Variants in LUZP2 observed in about 807,000 individuals in gnomAD.
LUZP2 encodes leucine zipper protein 2.
A neutral mutation model predicts 51.6 loss-of-function variants in LUZP2; 52 were observed. The ratio of observed to expected loss-of-function variants is 1.01; its 90% CI spans 0.81 to 1.27. LUZP2 has a LOEUF of 1.27. LUZP2 is among the 50% of genes most tolerant of loss of function. The pLI, the probability that LUZP2 is intolerant of heterozygous loss-of-function variation, is 0.00. For missense variants in LUZP2, 436 were observed against 395.4 expected (o/e 1.10, Z -0.87); for synonymous variants, 154 against 137.3 (o/e 1.12, Z -0.85).
chr11:24,567,850 G>A (rs773582980), intron 1 of LUZP2, among the ~76,000 whole-genome samples: 4 of 152,056 alleles, frequency 2.6e-5, no homozygotes, highest in Non-Finnish European at 4.4e-5. Context: ...AAGTTCCTCA[G>A]CATGAAAGGA....
At chr11:24,563,028 A>G (rs1410508708) in intron 1 of LUZP2, among the ~76,000 whole-genome samples, 1 of 152,238 alleles carries the variant, frequency 6.6e-6, no homozygotes, top group African/African-American at 2.4e-5. Context: ...GAAGGCTGAC[A>G]TATTGACTGT....
rs140561278 is a variant in LUZP2 at position 25,009,583 on chromosome 11, G to T, written c.765+26290G>T. 5.2e-3 allele frequency among the ~76,000 whole-genome samples: 792 copies of T among 151,994 alleles called. 10 individuals are homozygous for T. The highest frequency in any genetic ancestry group is 0.017 in the African/African-American group (724 of 41,494). On this transcript the variant is annotated intron_variant, in intron 9 of 11. Transcript: ENST00000336930. ...TTTCTTTTAAATATGTATAAGAAGG[G>T]ATCACCATGTCATTATAACTCACTA...
At chr11:24,825,089 A>G (rs539013471) in intron 5 of LUZP2, among the ~76,000 whole-genome samples, 1 of 152,232 alleles carries the variant, frequency 6.6e-6, no homozygotes, top group East Asian at 1.9e-4. Flanking sequence ...ACCCACTTCA[A>G]GGCAGAATGT....
intron 10 of LUZP2, among the ~76,000 whole-genome samples, chr11:25,057,282 T>C (rs1394593270): frequency 6.6e-6 from 1 of 152,152 alleles, no homozygotes; most frequent in East Asian, 1.9e-4. Flanking sequence ...TAGATATCTT[T>C]GTTGCTTTGT....
In LUZP2 at chr11:24,497,238, AG is replaced by A; in HGVS notation, c.-5del. 6.5e-7 allele frequency: 1 copy of A among 1,541,170 alleles called. No individual in the cohort carries two copies. Among genetic ancestry groups the A allele is most frequent in the Admixed American group, 1.9e-5 (1 of 52,390 alleles). Reference sequence around the variant, plus strand: ...CGAGGGAAGGAGGACCCCGGCAGGCAGCAGCATGAAATTCAGCCCAGCGCAC... The same window carrying A: ...CGAGGGAAGGAGGACCCCGGCAGGCACAGCATGAAATTCAGCCCAGCGCAC... On this transcript the variant is annotated 5_prime_UTR_variant, in exon 1 of 12. Transcript: ENST00000336930.
intron 1 of LUZP2, among the ~76,000 whole-genome samples, chr11:24,666,512 A>G (rs552907668): frequency 2.0e-5 from 3 of 152,194 alleles, no homozygotes; most frequent in Non-Finnish European, 4.4e-5. Context: ...ACAAATAGCT[A>G]AGACCTCCAT....
intron 1 of LUZP2, among the ~76,000 whole-genome samples, chr11:24,529,416 T>A (rs1184979150): frequency 6.6e-6 from 1 of 151,032 alleles, no homozygotes; most frequent in Non-Finnish European, 1.5e-5. Context: ...TGACTACTAA[T>A]CATGGTCCTC....
intron 9 of LUZP2, among the ~76,000 whole-genome samples, chr11:24,988,606 G>C (rs1248732946): frequency 2.0e-5 from 3 of 152,008 alleles, no homozygotes; most frequent in African/African-American, 7.2e-5. Context: ...ATATGACTAT[G>C]TAATGTGGTC....
intron 1 of LUZP2, among the ~76,000 whole-genome samples, chr11:24,673,252 ATAT>A (rs2133853521): frequency 6.6e-6 from 1 of 152,296 alleles, no homozygotes; most frequent in East Asian, 1.9e-4. Context: ...CAGTATTATA[ATAT>A]TATGGAAGCA....
intron 1 of LUZP2, among the ~76,000 whole-genome samples, chr11:24,666,995 C>T (rs1015235781): frequency 1.3e-5 from 2 of 152,060 alleles, no homozygotes; most frequent in African/African-American, 4.8e-5. Flanking sequence ...ACCCTTTCGC[C>T]CCATCATCAG....
At chr11:24,614,936 AATCT>A (rs1254259959) in intron 1 of LUZP2, among the ~76,000 whole-genome samples, 2 of 152,016 alleles carry the variant, frequency 1.3e-5, no homozygotes, top group African/African-American at 4.8e-5. Context: ...AATGGAATAT[AATCT>A]AACTAGAGAT....
intron 5 of LUZP2, among the ~76,000 whole-genome samples, chr11:24,781,882 T>G (rs1849104877): frequency 6.6e-6 from 1 of 151,964 alleles, no homozygotes; most frequent in African/African-American, 2.4e-5. Flanking sequence ...CACCTGGGGA[T>G]CTTACAAAAA....
intron 1 of LUZP2, among the ~76,000 whole-genome samples, chr11:24,502,183 T>A (rs990348318): frequency 6.6e-6 from 1 of 152,162 alleles, no homozygotes; most frequent in Non-Finnish European, 1.5e-5. Flanking sequence ...ATTAATATTA[T>A]TTTTATAAAA....
intron 4 of LUZP2, among the ~76,000 whole-genome samples, chr11:24,741,231 G>C (rs1448844488): frequency 6.6e-6 from 1 of 151,792 alleles, no homozygotes; most frequent in East Asian, 1.9e-4. Flanking sequence ...GTGACCTCGG[G>C]TTCTCAGAGA....
chr11:24,856,236 C>CTTAA (rs1278616232), intron 5 of LUZP2, among the ~76,000 whole-genome samples: 1 of 151,930 alleles, frequency 6.6e-6, no homozygotes, highest in Non-Finnish European at 1.5e-5. Flanking sequence ...TTACAAGGAA[C>CTTAA]TTAACAACAA....
At chr11:24,906,739 T>C (rs1006318005) in intron 6 of LUZP2, among the ~76,000 whole-genome samples, 2 of 152,144 alleles carry the variant, frequency 1.3e-5, no homozygotes, top group Non-Finnish European at 2.9e-5. Flanking sequence ...CTGTTTTAGC[T>C]GCATCCTCCA....
chr11:24,783,748 A>G (rs1849160169), intron 5 of LUZP2, among the ~76,000 whole-genome samples: 1 of 151,988 alleles, frequency 6.6e-6, no homozygotes, highest in African/African-American at 2.4e-5. Flanking sequence ...AAAAGTTATC[A>G]CACTGCAATG....
At chr11:24,506,771 C>T (rs1219962129) in intron 1 of LUZP2, among the ~76,000 whole-genome samples, 1 of 151,968 alleles carries the variant, frequency 6.6e-6, no homozygotes, top group Non-Finnish European at 1.5e-5. Context: ...CTAAGTTTTG[C>T]ACTCATTAAA....
rs1296975617 is a variant in LUZP2 at position 24,840,576 on chromosome 11, C to T, written c.397-65415C>T. On this transcript the variant is annotated intron_variant, in intron 5 of 11. Coordinates refer to ENST00000336930, the MANE Select transcript of LUZP2 (RefSeq NM_001009909.4). ...TTGTAAAATATATGTATACTCAGCC[C>T]TCTGCCCTAGAGATTCTGATCCATA... 4.0e-5 allele frequency among the ~76,000 whole-genome samples: 6 copies of T among 151,866 alleles called. No homozygotes were observed. The East Asian group carries it at 7.7e-4, about 20-fold the overall frequency.
Sources: gnomAD v4.1 joint callset for allele counts (sites outside exome capture counted in the v4.1 genomes callset) on GRCh38, gnomAD v4.1.1 for gene constraint, MANE v1.5 for transcripts, NCBI Gene and HGNC (gene_info 2026-07-23, HGNC 2026-07-21) for gene names.